The following CYP20A1 variants were observed in gnomAD, a reference collection of about 807,000 sequenced individuals.
The protein encoded by CYP20A1 is cytochrome P450 family 20 subfamily A member 1, also known as cytochrome P450 20A1.
Under a neutral mutation model 61.4 loss-of-function variants are expected in CYP20A1, and 61 were observed. The ratio of observed to expected loss-of-function variants is 0.99; its 90% CI spans 0.81 to 1.23. The LOEUF is 1.23. CYP20A1 is among the 50% of genes most tolerant of loss of function. The pLI is 0.00. For synonymous variants in CYP20A1, 193 were observed against 188.2 expected (o/e 1.03, Z -0.21); for missense variants, 530 against 542.4 (o/e 0.98, Z 0.23).
At position 203,266,696 on chromosome 2, in the gene CYP20A1, A is replaced by G; in HGVS notation, c.600+15A>G. On this transcript the variant is annotated intron_variant, in intron 5 of 12. Coordinates refer to ENST00000356079, the MANE Select transcript of CYP20A1 (RefSeq NM_177538.3). ...ATCATGGCACAGTAAGTCTGGGGCTAAATTTAAAATTACTCTTTCAGGCTG... is the reference window on the plus strand; with the variant it reads ...ATCATGGCACAGTAAGTCTGGGGCTGAATTTAAAATTACTCTTTCAGGCTG... 1 of 1,609,690 alleles carries G rather than the reference A, an allele frequency of 6.2e-7. No homozygotes were observed. Among genetic ancestry groups the G allele is most frequent in the Non-Finnish European group, 8.5e-7 (1 of 1,176,166 alleles).
At chr2:203,258,721 A>C (rs971824175) in intron 4 of CYP20A1, among the ~76,000 whole-genome samples, 38 of 152,026 alleles carry the variant, frequency 2.5e-4, no homozygotes, top group Non-Finnish European at 4.7e-4. Flanking sequence ...TTTGTATCTC[A>C]AGGTTCTGTA....
chr2:203,295,488 T>G (rs914456590), intron 11 of CYP20A1, among the ~76,000 whole-genome samples: 1 of 152,228 alleles, frequency 6.6e-6, no homozygotes, highest in Non-Finnish European at 1.5e-5. Flanking sequence ...TAAAATGTCT[T>G]ACATATTGAT....
At chr2:203,257,935 A>G (rs1299557584) in intron 4 of CYP20A1, among the ~76,000 whole-genome samples, 3 of 50,790 alleles carry the variant, frequency 5.9e-5, no homozygotes, top group African/African-American at 1.2e-4. Flanking sequence ...AAGGTCTCGC[A>G]CTGTTGCCTG....
chr2:203,301,004 C>G lies in CYP20A1; in HGVS notation c.*4096C>G, dbSNP rs184038289. ...CTGAAGTCAGGAGTTCAAGACCAGCCTGACCAACATGGAGAAACTTCATCT... is the reference window on the plus strand; with the variant it reads ...CTGAAGTCAGGAGTTCAAGACCAGCGTGACCAACATGGAGAAACTTCATCT... On this transcript the variant is annotated 3_prime_UTR_variant, in exon 13 of 13. Transcript: ENST00000356079. Among the ~76,000 whole-genome samples the G allele has an allele frequency of 4.7e-3, 716 of 151,702 alleles. 10 individuals carry two copies. The highest frequency in any genetic ancestry group is 0.016 in the African/African-American group (677 of 41,388).
chr2:203,296,779 AGTACTT>A lies in CYP20A1; in HGVS notation c.1261_1266del (p.Val421_Leu422del). ...CTAGGTTTGCATATATGGTGACCAC[AGTACTT>A]CTTAGTGTATTGGTGAAGAGACTGC... On this transcript the variant is annotated inframe_deletion, in exon 13 of 13. Transcript: ENST00000356079. The A allele has an allele frequency of 6.3e-7, 1 of 1,596,252 alleles. No individual in the cohort carries two copies. The highest frequency in any genetic ancestry group is 8.5e-7 in the Non-Finnish European group (1 of 1,175,264).
At chr2:203,283,550 ATTT>A (rs1267948219) in intron 8 of CYP20A1, among the ~76,000 whole-genome samples, 3 of 112,794 alleles carry the variant, frequency 2.7e-5, no homozygotes, top group African/African-American at 3.4e-5. Context: ...TGTTATATTA[ATTT>A]TTTTTTTTTT....
At chr2:203,261,173 C>T (rs940818451) in intron 4 of CYP20A1, among the ~76,000 whole-genome samples, 2 of 150,534 alleles carry the variant, frequency 1.3e-5, no homozygotes, top group South Asian at 2.1e-4. Context: ...GTTCAAGACC[C>T]GCCTGGGCAA....
intron 8 of CYP20A1, among the ~76,000 whole-genome samples, chr2:203,282,575 T>C (rs761728606): frequency 4.6e-5 from 7 of 152,332 alleles, no homozygotes; most frequent in Non-Finnish European, 8.8e-5. Flanking sequence ...TCACTTGTGC[T>C]CCGGACACCA....
At chr2:203,253,164 G>A (rs554912684) in intron 4 of CYP20A1, among the ~76,000 whole-genome samples, 1 of 152,322 alleles carries the variant, frequency 6.6e-6, no homozygotes, top group African/African-American at 2.4e-5. Context: ...GAGGTGATCA[G>A]GCTCCCCTTC....
intron 11 of CYP20A1, 61 bp from the exon 12 acceptor site, chr2:203,296,413 G>A (rs1292002670): frequency 5.1e-6 from 5 of 972,002 alleles, no homozygotes; most frequent in Middle Eastern, 2.1e-4. Context: ...TGTTCTTTTA[G>A]TGTCAACATG....
chr2:203,251,910 A>G (rs2066704627), intron 3 of CYP20A1, 57 bp from the exon 4 acceptor site: 3 of 1,363,628 alleles, frequency 2.2e-6, no homozygotes, highest in African/African-American at 2.9e-5. Context: ...GTTCTCTTAC[A>G]GGGTATCTTT....
At chr2:203,245,730 C>T in intron 1 of CYP20A1, 116 bp from the exon 2 acceptor site, 5 of 532,372 alleles carry the variant, frequency 9.4e-6, no homozygotes, top group Non-Finnish European at 1.6e-5. Context: ...GAAATAATTT[C>T]TTAGATTCAG....
chr2:203,276,216 A>G (rs2067814715), intron 6 of CYP20A1, among the ~76,000 whole-genome samples: 3 of 152,200 alleles, frequency 2.0e-5, no homozygotes, highest in Admixed American at 2.0e-4. Context: ...GGCTGGAATG[A>G]AGTGAGTGAG....
chr2:203,289,829 C>G lies in CYP20A1; in HGVS notation c.1036C>G (p.Leu346Val). ...TAKLTPVSAQ[L>V]QDIEGKIDRF... ...CAAACTGACTCCAGTTTCTGCCCAG[C>G]TTCAAGATATTGAAGGAAAAATTGA... Residue 346 changes from leucine to valine, a missense_variant, in exon 10 of 13, where the codon CTT (leucine) becomes GTT (valine). Transcript: ENST00000356079. The G allele has an allele frequency of 6.3e-7, 1 of 1,596,592 alleles. No homozygotes were observed. The highest frequency in any genetic ancestry group is 8.5e-7 in the Non-Finnish European group (1 of 1,170,332).
chr2:203,258,770 C>A (rs984389790), intron 4 of CYP20A1, among the ~76,000 whole-genome samples: 2 of 152,176 alleles, frequency 1.3e-5, no homozygotes, highest in Admixed American at 1.3e-4. Context: ...AGCTCTCAGG[C>A]TGCCTGCTTT....
chr2:203,255,085 C>T (rs1011742676), intron 4 of CYP20A1, among the ~76,000 whole-genome samples: 2 of 152,054 alleles, frequency 1.3e-5, no homozygotes, highest in African/African-American at 4.8e-5. Flanking sequence ...AATTGATCTA[C>T]TTCTCTCCCA....
rs1373241215 is a variant in CYP20A1 at position 203,278,572 on chromosome 2, G to A, written c.680-1G>A. The A allele has an allele frequency of 2.0e-6, 3 of 1,500,544 alleles. No individual in the cohort carries two copies. The Admixed American group carries it at 6.2e-5, about 31-fold the overall frequency. The allele number at this position is 1,500,544 out of a possible 1,614,324, so 93.0% of individuals were successfully genotyped here. A position where few individuals can be genotyped will look rare whatever the true frequency, so the allele number is the denominator to read the frequency against. On this transcript the variant is annotated splice_acceptor_variant, in intron 6 of 12. Coordinates refer to ENST00000356079, the MANE Select transcript of CYP20A1 (RefSeq NM_177538.3). LOFTEE classifies it high-confidence loss of function. ...AAAATTATTTTGTTTTTTTCTCTAAGCCCTCATGCAACTGGAGTCTGTTTT... is the reference window on the plus strand; with the variant it reads ...AAAATTATTTTGTTTTTTTCTCTAAACCCTCATGCAACTGGAGTCTGTTTT...
intron 11 of CYP20A1, among the ~76,000 whole-genome samples, chr2:203,293,971 AT>A (rs140253895): frequency 0.038 from 5,690 of 151,642 alleles, 347 homozygotes; most frequent in African/African-American, 0.13. Flanking sequence ...CCCTGACTTT[AT>A]TTTTTATTTT....
rs1575239247 is a variant in CYP20A1 at position 203,278,830 on chromosome 2, TA to T, written c.795+143del. On this transcript the variant is annotated intron_variant, in intron 7 of 12. Coordinates refer to ENST00000356079, the MANE Select transcript of CYP20A1 (RefSeq NM_177538.3). ...AAGAGATCAAGGCCAACTTGGGCAA[TA>T]TAGCAAGACGCCATCTATAAAAAAT... The T allele has an allele frequency of 5.5e-6, 3 of 542,278 alleles. No homozygotes were observed. In the East Asian group the frequency reaches 9.1e-5, roughly 16 times the overall value. The allele number at this position is 542,278 out of a possible 1,614,324, so 33.6% of individuals were successfully genotyped here.
Sources: allele counts gnomAD v4.1 joint callset (sites outside exome capture counted in the v4.1 genomes callset), GRCh38; gene constraint gnomAD v4.1.1; transcripts MANE v1.5; gene names NCBI Gene and HGNC (gene_info 2026-07-23, HGNC 2026-07-21).